RANBP17: variants seen among roughly 807,000 people sequenced by gnomAD.
RANBP17 encodes ran-binding protein 17.
RANBP17 carries 158 observed loss-of-function variants against 141.2 expected under a neutral mutation model. The observed-to-expected ratio is 1.12, with a 90% CI of 0.98 to 1.28. The LOEUF is 1.28. Ranked by LOEUF, RANBP17 falls within the 50% of genes most tolerant of loss-of-function variation. The pLI is 0.00. For synonymous variants in RANBP17, 430 were observed against 450.0 expected, an observed-to-expected ratio of 0.96 and a Z score of 0.56; for missense variants, 1,438 against 1,290.7, an observed-to-expected ratio of 1.11 and a Z score of -1.75.
chr5:171,075,341 G>T (rs903811011), intron 14 of RANBP17, among the ~76,000 whole-genome samples: 1 of 152,102 alleles, frequency 6.6e-6, no homozygotes, highest in African/African-American at 2.4e-5. Flanking sequence ...TTTTCTGCTT[G>T]TAAGTGTGCC....
chr5:171,261,077 C>A lies in RANBP17; in HGVS notation c.2777-4604C>A, dbSNP rs184518137. 2.3e-4 allele frequency among the ~76,000 whole-genome samples: 14 copies of A among 60,574 alleles called. No homozygotes were observed. In the East Asian group the frequency reaches 4.2e-3, roughly 18 times the overall value. The allele number at this position is 60,574 out of a possible 152,430, so 39.7% of individuals were successfully genotyped here. A position where few individuals can be genotyped will look rare whatever the true frequency, so the allele number is the denominator to read the frequency against. ...TAGAGATTTTACACATTAGCTTCAC[C>A]CCCCACCCCCCCCAAAAAAAAAAAC... On this transcript the variant is annotated intron_variant, in intron 24 of 27. Transcript: ENST00000523189.
intron 22 of RANBP17, among the ~76,000 whole-genome samples, chr5:171,238,677 A>C (rs1299293653): frequency 6.6e-6 from 1 of 152,174 alleles, no homozygotes; most frequent in Non-Finnish European, 1.5e-5. Flanking sequence ...CCTTGGTTTA[A>C]ATTGAATTTG....
At chr5:171,098,842 A>G (rs1035695503) in intron 14 of RANBP17, among the ~76,000 whole-genome samples, 4 of 151,524 alleles carry the variant, frequency 2.6e-5, no homozygotes, top group African/African-American at 9.7e-5. Flanking sequence ...GTCCAGTTTC[A>G]GTTTTCTGCA....
chr5:170,912,085 A>G (rs1771575552), intron 7 of RANBP17, among the ~76,000 whole-genome samples: 1 of 151,930 alleles, frequency 6.6e-6, no homozygotes, highest in Admixed American at 6.6e-5. Flanking sequence ...TGGATACCAG[A>G]TATAATAGAG....
intron 14 of RANBP17, among the ~76,000 whole-genome samples, chr5:171,064,849 A>G (rs564065641): frequency 6.6e-5 from 10 of 151,876 alleles, no homozygotes; most frequent in Non-Finnish European, 1.2e-4. Flanking sequence ...TAGGATTTCT[A>G]TAGGTTGATT....
At chr5:171,293,366 A>C (rs1332158209) in intron 25 of RANBP17, among the ~76,000 whole-genome samples, 1 of 152,234 alleles carries the variant, frequency 6.6e-6, no homozygotes, top group African/African-American at 2.4e-5. Flanking sequence ...GGAATTAGTG[A>C]ACGAAGAGTG....
At chr5:171,095,149 G>C (rs1476346089) in intron 14 of RANBP17, among the ~76,000 whole-genome samples, 1 of 152,158 alleles carries the variant, frequency 6.6e-6, no homozygotes, top group Non-Finnish European at 1.5e-5. Flanking sequence ...GTGATATTCT[G>C]TTATAGCAAC....
intron 14 of RANBP17, among the ~76,000 whole-genome samples, chr5:171,168,851 T>C (rs1053985590): frequency 6.6e-6 from 1 of 152,056 alleles, no homozygotes. Context: ...TGTTTCTCTC[T>C]CTCTCTCTCT....
Position 171,213,619 on chromosome 5 carries a change from G to C in RANBP17, c.2232-12G>C. ...TTTAGACCCTTAAATTCTTTAACAG[G>C]CTTTATAAAAGGTACCCAACGTACC... On this transcript the variant is annotated splice_polypyrimidine_tract_variant and intron_variant, in intron 20 of 27. Transcript: ENST00000523189. The C allele has an allele frequency of 6.3e-7, 1 of 1,595,166 alleles. No homozygotes were observed. Among genetic ancestry groups the C allele is most frequent in the Non-Finnish European group, 8.6e-7 (1 of 1,163,006 alleles).
At chr5:171,196,970 T>C (rs190344769) in intron 18 of RANBP17, among the ~76,000 whole-genome samples, 1 of 152,270 alleles carries the variant, frequency 6.6e-6, no homozygotes, top group African/African-American at 2.4e-5. Context: ...AGATAAACTT[T>C]GTAATTTCAA....
chr5:171,142,046 T>G (rs1231288661), intron 14 of RANBP17, among the ~76,000 whole-genome samples: 4 of 152,232 alleles, frequency 2.6e-5, no homozygotes, highest in Non-Finnish European at 5.9e-5. Flanking sequence ...AGATACAGAT[T>G]GCTTGAAATA....
At chr5:171,278,818 G>C (rs1157203149) in intron 25 of RANBP17, among the ~76,000 whole-genome samples, 3 of 152,200 alleles carry the variant, frequency 2.0e-5, no homozygotes, top group Non-Finnish European at 4.4e-5. Flanking sequence ...GACCACTCTT[G>C]ACTCGGGAGA....
At chr5:171,103,729 G>A (rs1011194787) in intron 14 of RANBP17, among the ~76,000 whole-genome samples, 1 of 152,198 alleles carries the variant, frequency 6.6e-6, no homozygotes, top group Admixed American at 6.5e-5. Flanking sequence ...GGCCCTGGTG[G>A]TGTAGGCACC....
At chr5:170,912,877 A>G (rs987307500) in intron 7 of RANBP17, among the ~76,000 whole-genome samples, 1 of 151,952 alleles carries the variant, frequency 6.6e-6, no homozygotes, top group Non-Finnish European at 1.5e-5. Flanking sequence ...TCCCAGCATA[A>G]TGAATGAAAA....
At chr5:171,137,598 GTGTGTGTCTGTGTGTGTGTGTGTGTGTC>G (rs1443389938) in intron 14 of RANBP17, among the ~76,000 whole-genome samples, 1 of 143,484 alleles carries the variant, frequency 7.0e-6, no homozygotes, top group African/African-American at 2.8e-5. Flanking sequence ...GTGTGTGTGT[GTGTGTGTCTGTGTGTGTGTGTGTGTGTC>G]TGTGTGTGTG....
At chr5:170,924,603 C>T in intron 12 of RANBP17, 53 bp downstream of exon 12, 1 of 1,146,942 alleles carries the variant, frequency 8.7e-7, no homozygotes, top group Non-Finnish European at 1.3e-6. Context: ...TAAGTAACAT[C>T]ATTAATCACT....
intron 24 of RANBP17, among the ~76,000 whole-genome samples, chr5:171,246,505 C>T (rs1765226739): frequency 6.6e-6 from 1 of 152,106 alleles, no homozygotes; most frequent in Non-Finnish European, 1.5e-5. Flanking sequence ...ATAATTTGTC[C>T]TGTTTTCTAG....
chr5:171,288,229 G>A (rs1272204489), intron 25 of RANBP17, among the ~76,000 whole-genome samples: 1 of 152,170 alleles, frequency 6.6e-6, no homozygotes, highest in Non-Finnish European at 1.5e-5. Context: ...AAGGTCTGCT[G>A]AGAACTCTCC....
At chr5:171,144,247 G>A (rs1398980848) in intron 14 of RANBP17, among the ~76,000 whole-genome samples, 1 of 151,972 alleles carries the variant, frequency 6.6e-6, no homozygotes, top group East Asian at 1.9e-4. Context: ...ACTACTCCCA[G>A]TTACTCAGGA....
Sources: allele counts gnomAD v4.1 joint callset (sites outside exome capture counted in the v4.1 genomes callset), GRCh38; gene constraint gnomAD v4.1.1; transcripts MANE v1.5; gene names NCBI Gene and HGNC (gene_info 2026-07-23, HGNC 2026-07-21).